The following KAZN variants were observed in gnomAD, a reference collection of about 807,000 sequenced individuals.
KAZN encodes the protein kazrin.
Under a neutral mutation model 87.4 loss-of-function variants are expected in KAZN, and 40 were observed. That is an observed-to-expected ratio of 0.46 (90% confidence interval 0.36 to 0.60). The LOEUF is 0.60. KAZN is among the 20% of genes least tolerant of loss of function. KAZN has a pLI of 0.00. For missense variants in KAZN, 898 were observed against 1,073.9 expected, an observed-to-expected ratio of 0.84 and a Z score of 2.29; for synonymous variants, 466 against 458.3, an observed-to-expected ratio of 1.02 and a Z score of -0.22.
At chr1:15,033,173 G>A (rs1671903538) in intron 2 of KAZN, among the ~76,000 whole-genome samples, 1 of 152,136 alleles carries the variant, frequency 6.6e-6, no homozygotes, top group Admixed American at 6.5e-5. Context: ...TTTATATAAA[G>A]GACTTGAGCA....
intron 2 of KAZN, among the ~76,000 whole-genome samples, chr1:14,251,308 T>C (rs1244065124): frequency 6.6e-6 from 1 of 152,190 alleles, no homozygotes; most frequent in Non-Finnish European, 1.5e-5. Flanking sequence ...TAGAAGTCAC[T>C]CAGTCTTAGA....
intron 1 of KAZN, among the ~76,000 whole-genome samples, chr1:14,122,733 T>C (rs1420054447): frequency 6.6e-6 from 1 of 152,232 alleles, no homozygotes; most frequent in African/African-American, 2.4e-5. Flanking sequence ...TTGAAACAGA[T>C]TGTTCTTCTG....
At chr1:14,877,463 A>C (rs1402836933) in intron 1 of KAZN, among the ~76,000 whole-genome samples, 1 of 152,222 alleles carries the variant, frequency 6.6e-6, no homozygotes, top group East Asian at 1.9e-4. Context: ...AAAGATAGGC[A>C]TATGGGGTCA....
intron 2 of KAZN, among the ~76,000 whole-genome samples, chr1:14,291,425 G>C (rs1653684334): frequency 6.6e-6 from 1 of 152,214 alleles, no homozygotes. Context: ...TTGCCGCCTT[G>C]CAATTTGATC....
chr1:15,067,670 A>G lies in KAZN; in HGVS notation c.1222+1917A>G, dbSNP rs915316327. On this transcript the variant is annotated intron_variant, in intron 8 of 14. Transcript: ENST00000376030. ...GGACATTGTGTCCAAAGTCTCAAGA[A>G]CAAACAACACTTTCCTTCTGACCTG... is the stretch of plus-strand genomic sequence containing the variant. The G allele has an allele frequency of 4.1e-6, 4 of 985,310 alleles. No homozygotes were observed. In the South Asian group the frequency reaches 1.9e-4, roughly 46 times the overall value. 61.0% of individuals were successfully genotyped at this position (985,310 alleles called of 1,614,324 possible).
chr1:14,555,712 C>G (rs1484289095), intron 2 of KAZN, among the ~76,000 whole-genome samples: 1 of 152,162 alleles, frequency 6.6e-6, no homozygotes, highest in African/African-American at 2.4e-5. Context: ...CTGTAAGATA[C>G]AGGATTCTGT....
At position 14,317,472 on chromosome 1, in the gene KAZN, A is replaced by T. The variant is rs117445042; in HGVS notation, c.249+136880A>T. Reference sequence around the variant, plus strand: ...TAATTGGTTCTTGCTTTCTAAAAAAATTAGCTTAACAGTCTCTGCCATTTA... The same window carrying T: ...TAATTGGTTCTTGCTTTCTAAAAAATTTAGCTTAACAGTCTCTGCCATTTA... On this transcript the variant is annotated intron_variant, in intron 2 of 16. Transcript: ENST00000636203. 9.7e-4 allele frequency among the ~76,000 whole-genome samples: 148 copies of T among 152,128 alleles called. 4 individuals carry two copies. In the East Asian group the frequency reaches 0.028, roughly 29 times the overall value.
intron 1 of KAZN, among the ~76,000 whole-genome samples, chr1:14,064,032 C>T (rs1177722428): frequency 6.6e-6 from 1 of 152,114 alleles, no homozygotes; most frequent in East Asian, 1.9e-4. Flanking sequence ...TTCTCTGCCT[C>T]AGCCTCCCGA....
At chr1:14,968,426 A>C (rs1664685310) in intron 2 of KAZN, among the ~76,000 whole-genome samples, 1 of 152,150 alleles carries the variant, frequency 6.6e-6, no homozygotes, top group African/African-American at 2.4e-5. Flanking sequence ...GAGGCCAGGG[A>C]CCAGTACCAG....
intron 1 of KAZN, among the ~76,000 whole-genome samples, chr1:13,981,275 C>A: frequency 6.8e-6 from 1 of 146,130 alleles, no homozygotes; most frequent in African/African-American, 2.5e-5. Context: ...AATTATAATG[C>A]TTAATGATTA....
At chr1:14,230,090 C>T (rs1443481669) in intron 2 of KAZN, among the ~76,000 whole-genome samples, 1 of 152,182 alleles carries the variant, frequency 6.6e-6, no homozygotes, top group Non-Finnish European at 1.5e-5. Context: ...CTTGCGTGAC[C>T]AAGGAGCTGA....
intron 1 of KAZN, among the ~76,000 whole-genome samples, chr1:14,655,161 C>T (rs568292076): frequency 7.3e-6 from 1 of 137,106 alleles, no homozygotes; most frequent in African/African-American, 2.9e-5. Flanking sequence ...CTCATCTGGC[C>T]TCTGGTGAAC....
chr1:14,254,131 G>A (rs1557596223), intron 2 of KAZN, among the ~76,000 whole-genome samples: 1 of 152,114 alleles, frequency 6.6e-6, no homozygotes. Flanking sequence ...TCTAATTAGG[G>A]GGAAAGAAGA....
chr1:14,036,769 TTTATTA>T (rs1205181017), intron 1 of KAZN, among the ~76,000 whole-genome samples: 1 of 151,850 alleles, frequency 6.6e-6, no homozygotes, highest in South Asian at 2.1e-4. Context: ...TATTTATTTA[TTTATTA>T]TTATTATTAT....
At chr1:14,544,355 T>TC in intron 2 of KAZN, among the ~76,000 whole-genome samples, 1 of 146,936 alleles carries the variant, frequency 6.8e-6, no homozygotes, top group Non-Finnish European at 1.5e-5. Context: ...TCTTTCTTTT[T>TC]TTTTTTTTTT....
chr1:14,790,665 G>A (rs1414446279), intron 1 of KAZN, among the ~76,000 whole-genome samples: 1 of 152,132 alleles, frequency 6.6e-6, no homozygotes, highest in African/African-American at 2.4e-5. Context: ...CGCCAGCCAG[G>A]GATTTGGCCT....
intron 2 of KAZN, among the ~76,000 whole-genome samples, chr1:14,980,932 C>T (rs964558283): frequency 6.6e-6 from 1 of 152,112 alleles, no homozygotes; most frequent in Non-Finnish European, 1.5e-5. Flanking sequence ...TCAGTGTGAG[C>T]CCCTGCAAGA....
chr1:14,770,531 G>T (rs1644992753), intron 1 of KAZN, among the ~76,000 whole-genome samples: 1 of 152,128 alleles, frequency 6.6e-6, no homozygotes, highest in South Asian at 2.1e-4. Context: ...TGGTTCTGTG[G>T]CTGTACAATT....
At chr1:15,006,923 G>A (rs1310206568) in intron 2 of KAZN, among the ~76,000 whole-genome samples, 1 of 152,012 alleles carries the variant, frequency 6.6e-6, no homozygotes, top group African/African-American at 2.4e-5. Flanking sequence ...CGGGCATGGT[G>A]GCGGGCACCT....
Sources: allele counts gnomAD v4.1 joint callset (sites outside exome capture counted in the v4.1 genomes callset), GRCh38; gene constraint gnomAD v4.1.1; transcripts MANE v1.5; gene names NCBI Gene and HGNC (gene_info 2026-07-23, HGNC 2026-07-21).